The following TBX19 variants were observed in gnomAD, a reference collection of about 807,000 sequenced individuals.
TBX19 encodes the protein T-box transcription factor TBX19.
A neutral mutation model predicts 40.9 loss-of-function variants in TBX19; 33 were observed. The observed-to-expected ratio is 0.81, with a 90% CI of 0.61 to 1.08. TBX19 has a LOEUF of 1.08. Ranked by LOEUF, TBX19 falls within the 50% of genes least tolerant of loss-of-function variation. The pLI is 0.00. For synonymous variants in TBX19, 220 were observed against 225.0 expected (o/e 0.98, Z 0.20); for missense variants, 494 against 574.0 (o/e 0.86, Z 1.42).
At chr1:168,282,025 A>G (rs1408398445) in intron 1 of TBX19, among the ~76,000 whole-genome samples, 1 of 152,222 alleles carries the variant, frequency 6.6e-6, no homozygotes, top group Non-Finnish European at 1.5e-5. Context: ...TAATATTAGA[A>G]GATTTCACTT....
At chr1:168,284,974 G>A (rs1272437020) in intron 1 of TBX19, among the ~76,000 whole-genome samples, 1 of 151,954 alleles carries the variant, frequency 6.6e-6, no homozygotes, top group African/African-American at 2.4e-5. Flanking sequence ...CTGAGTTGCT[G>A]TTCATAGTCT....
intron 1 of TBX19, among the ~76,000 whole-genome samples, chr1:168,282,269 G>A (rs917639541): frequency 8.5e-5 from 13 of 152,132 alleles, no homozygotes; most frequent in African/African-American, 2.9e-4. Context: ...CTTTCTGTCA[G>A]GCTTTTGTCC....
rs1649303745 is a variant in TBX19, at chr1:168,302,498, G to A, written c.727+2015G>A. 1.3e-5 allele frequency among the ~76,000 whole-genome samples: 2 copies of A among 152,084 alleles called. 1 individual carries two copies. Among genetic ancestry groups the A allele is most frequent in the South Asian group, 4.2e-4 (2 of 4,818 alleles). ...TCCCTTAGCTGAGGCATGGTCAGCG[G>A]GAGAACAAGCTTCTTGTTTTGGGGC... On this transcript the variant is annotated intron_variant, in intron 5 of 7. Coordinates refer to ENST00000367821, the MANE Select transcript of TBX19 (RefSeq NM_005149.3).
intron 1 of TBX19, among the ~76,000 whole-genome samples, chr1:168,289,974 G>A (rs376058794): frequency 9.2e-5 from 14 of 152,176 alleles, no homozygotes; most frequent in African/African-American, 2.6e-4. Context: ...CAGGTGGATC[G>A]CCTGAGGTTG....
At position 168,314,105 on chromosome 1, in the gene TBX19, A is replaced by G. The variant is rs1558197005; in HGVS notation, c.*1103A>G. ...CACCTCTATACCTTGCCTGTGCCTT[A>G]GTGTCCTCTTTTTTCCAGTTCACCT... On this transcript the variant is annotated 3_prime_UTR_variant, in exon 8 of 8. Coordinates refer to ENST00000367821, the MANE Select transcript of TBX19 (RefSeq NM_005149.3). 6.5e-6 allele frequency: 1 copy of G among 152,712 alleles called. No individual in the cohort carries two copies. Among genetic ancestry groups the G allele is most frequent in the Non-Finnish European group, 1.5e-5 (1 of 68,250 alleles). 9.5% of individuals were successfully genotyped at this position (152,712 alleles called of 1,614,324 possible).
At chr1:168,298,989 C>T (rs1336791870) in intron 4 of TBX19, among the ~76,000 whole-genome samples, 2 of 147,356 alleles carry the variant, frequency 1.4e-5, no homozygotes, top group Non-Finnish European at 3.0e-5. Flanking sequence ...TCTTGGCTCA[C>T]TGCAACTTCT....
intron 3 of TBX19, among the ~76,000 whole-genome samples, chr1:168,295,041 C>G (rs897467625): frequency 1.2e-4 from 19 of 152,030 alleles, no homozygotes; most frequent in Admixed American, 7.9e-4. Flanking sequence ...GTCTCTAATC[C>G]CAGCACTTTG....
At chr1:168,301,513 G>A (rs1649274342) in intron 5 of TBX19, among the ~76,000 whole-genome samples, 1 of 152,054 alleles carries the variant, frequency 6.6e-6, no homozygotes, top group Non-Finnish European at 1.5e-5. Flanking sequence ...CGCCTGCCTC[G>A]ACCTCCCAAA....
intron 3 of TBX19, among the ~76,000 whole-genome samples, chr1:168,296,489 C>T (rs1314623656): frequency 6.6e-6 from 1 of 151,938 alleles, no homozygotes; most frequent in African/African-American, 2.4e-5. Flanking sequence ...AAGGGGAAAC[C>T]CCTTATAAAA....
intron 1 of TBX19, among the ~76,000 whole-genome samples, chr1:168,284,508 C>G (rs1648754908): frequency 6.6e-6 from 1 of 151,992 alleles, no homozygotes; most frequent in East Asian, 1.9e-4. Flanking sequence ...GACTTCTTCT[C>G]TACAAAAAAT....
intron 1 of TBX19, among the ~76,000 whole-genome samples, chr1:168,290,439 G>A (rs9426876): frequency 0.51 from 77,990 of 152,098 alleles, 21,192 homozygotes; most frequent in Non-Finnish European, 0.63. Flanking sequence ...TTTCTTCAAA[G>A]AGTCCCATGG....
At chr1:168,288,321 T>C (rs1015626014) in intron 1 of TBX19, among the ~76,000 whole-genome samples, 1 of 152,206 alleles carries the variant, frequency 6.6e-6, no homozygotes, top group African/African-American at 2.4e-5. Flanking sequence ...TCTTTTCAAA[T>C]TTTTCAATTT....
Position 168,293,165 on chromosome 1 carries a change from A to G in TBX19, c.490A>G (p.Lys164Glu), listed in dbSNP as rs1475573754. ...GGQIMLNSLH[K>E]YEPQVHIVRV... is the part of the protein sequence containing the mutation. ...ACAGATAATGTTGAATTCTCTGCAT[A>G]AATATGAACCCCAGGTTCACATAGT... Residue 164 changes from lysine to glutamate, a missense_variant, in exon 3 of 8, where the codon AAA becomes GAA. Transcript: ENST00000367821. 8 of 1,614,034 alleles carry G rather than the reference A, an allele frequency of 5.0e-6. No homozygotes were observed. Among genetic ancestry groups the G allele is most frequent in the Non-Finnish European group, 5.9e-6 (7 of 1,179,964 alleles).
intron 3 of TBX19, among the ~76,000 whole-genome samples, chr1:168,294,421 C>T (rs1649049758): frequency 6.6e-6 from 1 of 152,034 alleles, no homozygotes; most frequent in Non-Finnish European, 1.5e-5. Context: ...GCAACCTCTG[C>T]CTCCTAGGTT....
chr1:168,298,897 T>C (rs139039720), intron 4 of TBX19, among the ~76,000 whole-genome samples: 1,342 of 103,838 alleles, frequency 0.013, 94 homozygotes, highest in African/African-American at 0.063. Flanking sequence ...CTTTCTTTCT[T>C]TCTCTCTCTC....
chr1:168,281,294 G>T lies in TBX19; in HGVS notation c.203+1G>T. 6.2e-7 allele frequency: 1 copy of T among 1,614,034 alleles called. No individual in the cohort carries two copies. Among genetic ancestry groups the T allele is most frequent in the East Asian group, 2.2e-5 (1 of 44,884 alleles). Reference sequence around the variant, plus strand: ...AGATGATTGTGACCAAGAATGGCAGGTGAGTTTATCTGCCGCCCCGCGTGG... The same window carrying T: ...AGATGATTGTGACCAAGAATGGCAGTTGAGTTTATCTGCCGCCCCGCGTGG... On this transcript the variant is annotated splice_donor_variant, in intron 1 of 7. Transcript: ENST00000367821. LOFTEE classifies it high-confidence loss of function.
intron 5 of TBX19, among the ~76,000 whole-genome samples, chr1:168,302,399 G>A (rs1302666902): frequency 1.2e-4 from 19 of 152,110 alleles, no homozygotes; most frequent in Admixed American, 8.5e-4. Flanking sequence ...CCTCATTGCC[G>A]AAGCCCAGGT....
intron 7 of TBX19, among the ~76,000 whole-genome samples, chr1:168,309,850 A>G (rs1649482751): frequency 6.6e-6 from 1 of 152,190 alleles, no homozygotes; most frequent in Admixed American, 6.5e-5. Flanking sequence ...TGGAAATAAT[A>G]TGACCTACTT....
chr1:168,287,768 A>G (rs1648839067), intron 1 of TBX19, among the ~76,000 whole-genome samples: 1 of 152,162 alleles, frequency 6.6e-6, no homozygotes, highest in African/African-American at 2.4e-5. Context: ...CTAAAAAACC[A>G]TTTGTCAAAT....
Sources: gnomAD v4.1 joint callset for allele counts (sites outside exome capture counted in the v4.1 genomes callset) on GRCh38, gnomAD v4.1.1 for gene constraint, MANE v1.5 for transcripts, NCBI Gene and HGNC (gene_info 2026-07-23, HGNC 2026-07-21) for gene names.